SHLD2: variants seen among roughly 807,000 people sequenced by gnomAD.
SHLD2 encodes RINN1-REV7-interacting novel NHEJ regulator 2.
Under a neutral mutation model 73.2 loss-of-function variants are expected in SHLD2, and 30 were observed. The observed-to-expected ratio is 0.41, with a 90% CI of 0.31 to 0.56. The LOEUF is 0.56. SHLD2 is among the 20% of genes least tolerant of loss of function. The pLI is 0.28. For missense variants in SHLD2, 745 were observed against 1,055.9 expected (o/e 0.71, Z 4.08); for synonymous variants, 285 against 370.1 (o/e 0.77, Z 2.64).
chr10:87,185,539 A>G (rs1365274971), intron 8 of SHLD2, among the ~76,000 whole-genome samples: 1 of 152,202 alleles, frequency 6.6e-6, no homozygotes, highest in African/African-American at 2.4e-5. Flanking sequence ...CATCAGCAAT[A>G]TGAGGGTTGT....
intron 2 of SHLD2, among the ~76,000 whole-genome samples, chr10:87,145,171 G>C (rs987382287): frequency 1.3e-5 from 2 of 152,076 alleles, no homozygotes; most frequent in African/African-American, 4.8e-5. Flanking sequence ...TCGATCTCCT[G>C]ACCTCGTGAT....
intron 7 of SHLD2, among the ~76,000 whole-genome samples, chr10:87,176,930 G>T (rs1324427426): frequency 1.3e-5 from 2 of 151,940 alleles, no homozygotes; most frequent in Non-Finnish European, 2.9e-5. Flanking sequence ...AATATTTCTG[G>T]AAGGTAAACA....
chr10:87,166,542 G>A (rs1008117865), intron 4 of SHLD2, among the ~76,000 whole-genome samples: 1 of 152,192 alleles, frequency 6.6e-6, no homozygotes, highest in African/African-American at 2.4e-5. Context: ...GAAGATTTCA[G>A]TTCTTTTCAA....
intron 2 of SHLD2, among the ~76,000 whole-genome samples, chr10:87,143,068 T>A (rs1383638859): frequency 6.6e-6 from 1 of 151,650 alleles, no homozygotes; most frequent in African/African-American, 2.4e-5. Flanking sequence ...TAGCTGGGAC[T>A]ACAGGCACAT....
At chr10:87,178,179 T>C (rs1351692014) in intron 7 of SHLD2, among the ~76,000 whole-genome samples, 1 of 129,222 alleles carries the variant, frequency 7.7e-6, no homozygotes, top group African/African-American at 3.0e-5. Context: ...GAGGTTGCAG[T>C]GAGCCGAGAT....
At chr10:87,177,345 G>C (rs1848009492) in intron 7 of SHLD2, among the ~76,000 whole-genome samples, 1 of 150,158 alleles carries the variant, frequency 6.7e-6, no homozygotes, top group South Asian at 2.2e-4. Context: ...AAAATAGGAG[G>C]CCACCATGCT....
chr10:87,101,296 G>A (rs1478234780), intron 2 of SHLD2, among the ~76,000 whole-genome samples: 1 of 152,168 alleles, frequency 6.6e-6, no homozygotes, highest in Non-Finnish European at 1.5e-5. Context: ...AATGTTTTAG[G>A]AGAATTGGCC....
At chr10:87,150,589 C>A (rs1410850226) in intron 2 of SHLD2, among the ~76,000 whole-genome samples, 3 of 151,016 alleles carry the variant, frequency 2.0e-5, no homozygotes, top group Admixed American at 2.0e-4. Flanking sequence ...GGTGAAACCC[C>A]GTCTCTACTA....
At position 87,151,871 on chromosome 10, in the gene SHLD2, A is replaced by C; in HGVS notation, c.517A>C (p.Lys173Gln). 2 of 1,611,650 alleles carry C rather than the reference A, an allele frequency of 1.2e-6. No homozygotes were observed. The highest frequency in any genetic ancestry group is 4.5e-5 in the East Asian group (2 of 44,866). Reference sequence around the variant, plus strand: ...CACAAATTTGTTTCAGTTGGGCCATAAATGTGCAGCTGTGTTGGATTTGGT... The same window carrying C: ...CACAAATTTGTTTCAGTTGGGCCATCAATGTGCAGCTGTGTTGGATTTGGT... Reference protein sequence around the residue: ...FNTNLFQLGHKCAAVLDLVCS... With the variant: ...FNTNLFQLGHQCAAVLDLVCS... Residue 173 changes from lysine to glutamine, a missense_variant, in exon 3 of 10, where the codon AAA becomes CAA. By Grantham distance (53) the Lys-to-Gln change is moderately conservative. Around this residue, in one of 5 missense-constraint regions of SHLD2, gnomAD observed 280 missense variants for 353.9 expected, o/e 0.79. Transcript: ENST00000298786.
At position 87,151,697 on chromosome 10, in the gene SHLD2, A is replaced by G; in HGVS notation, c.343A>G (p.Ile115Val). 1 of 1,611,890 alleles carries G rather than the reference A, an allele frequency of 6.2e-7. No individual in the cohort carries two copies. The highest frequency in any genetic ancestry group is 8.5e-7 in the Non-Finnish European group (1 of 1,179,720). Reference protein sequence around the residue: ...QKIHSSRLSDITSSNMQICGF... With the variant: ...QKIHSSRLSDVTSSNMQICGF... ...GATTCACTCCTCTAGACTGAGTGAT[A>G]TAACTAGCTCTAATATGCAAATATG... The change falls in exon 3 of 10, where the codon ATA becomes GTA. Residue 115 changes from isoleucine (I) to valine (V), a missense_variant. Physicochemically the swap from Ile to Val is conservative, Grantham distance 29. This residue lies in a region of SHLD2 where 280 missense variants were observed against 353.9 expected (regional missense o/e 0.79). Transcript: ENST00000298786.
Position 87,151,808 on chromosome 10 carries a change from C to G in SHLD2, c.454C>G (p.Pro152Ala). The change falls in exon 3 of 10, where the codon CCT (proline) becomes GCT (alanine). Residue 152 changes from proline to alanine, a missense_variant. Physicochemically the swap from Pro to Ala is conservative, Grantham distance 27. Around this residue, in one of 5 missense-constraint regions of SHLD2, gnomAD observed 280 missense variants for 353.9 expected, o/e 0.79. Coordinates refer to ENST00000298786, the MANE Select transcript of SHLD2 (RefSeq NM_001330112.2). ...TGAAAATAAAATTAGAGATGAACAG[C>G]CTAAACATCAGCCAGATATATGTGG... Reference protein sequence around the residue: ...LSENKIRDEQPKHQPDICGKN... With the variant: ...LSENKIRDEQAKHQPDICGKN... 6.2e-7 allele frequency: 1 copy of G among 1,611,834 alleles called. No individual in the cohort carries two copies. The highest frequency in any genetic ancestry group is 8.5e-7 in the Non-Finnish European group (1 of 1,179,794).
intron 2 of SHLD2, among the ~76,000 whole-genome samples, chr10:87,140,404 AGT>A: frequency 6.9e-6 from 1 of 143,942 alleles, no homozygotes; most frequent in South Asian, 2.2e-4. Flanking sequence ...TGGGCAACAG[AGT>A]GAGAACCTAT....
intron 2 of SHLD2, among the ~76,000 whole-genome samples, chr10:87,100,065 C>G (rs1006945300): frequency 6.6e-6 from 1 of 151,864 alleles, no homozygotes; most frequent in Non-Finnish European, 1.5e-5. Flanking sequence ...TTATATTTTC[C>G]CATTTTTCAT....
At position 87,152,017 on chromosome 10, in the gene SHLD2, G is replaced by T; in HGVS notation, c.663G>T (p.Lys221Asn). ...TATTTTCCTCGAACGCAGTAGATAA[G>T]TCAAGGTCTGAAGCAGCAGTTAGGA... Reference protein sequence around the residue: ...LGLFSSNAVDKSRSEAAVRKV... With the variant: ...LGLFSSNAVDNSRSEAAVRKV... The change falls in exon 3 of 10, where the codon AAG becomes AAT. Residue 221 changes from lysine to asparagine, a missense_variant. Around this residue, in one of 5 missense-constraint regions of SHLD2, gnomAD observed 280 missense variants for 353.9 expected, o/e 0.79. Coordinates refer to ENST00000298786, the MANE Select transcript of SHLD2 (RefSeq NM_001330112.2). 6.2e-7 allele frequency: 1 copy of T among 1,611,934 alleles called. No homozygotes were observed. The highest frequency in any genetic ancestry group is 8.5e-7 in the Non-Finnish European group (1 of 1,179,806).
In SHLD2 at chr10:87,176,034, A is replaced by C. The variant is rs1847932226; in HGVS notation, c.2109A>C (p.Lys703Asn). 25 of 1,548,540 alleles carry C rather than the reference A, an allele frequency of 1.6e-5. No homozygotes were observed. The highest frequency in any genetic ancestry group is 2.2e-5 in the Non-Finnish European group (25 of 1,146,814). ...TTACATTTAAAGCAAAATTTCAAAA[A>C]AGTGCACCCTCCTTTGTGAAGATAT... ...RAITFKAKFQKSAPSFVKISD... is the reference protein window; with the variant it reads ...RAITFKAKFQNSAPSFVKISD... The change falls in exon 7 of 10, where the codon AAA (lysine) becomes AAC (asparagine). Residue 703 changes from lysine to asparagine, a missense_variant. Physicochemically the swap from Lys to Asn is moderately conservative, Grantham distance 94. Around this residue, in one of 5 missense-constraint regions of SHLD2, gnomAD observed 418 missense variants for 567.8 expected, o/e 0.74. Coordinates refer to ENST00000298786, the MANE Select transcript of SHLD2 (RefSeq NM_001330112.2).
chr10:87,183,530 A>G (rs1246604401), intron 8 of SHLD2, among the ~76,000 whole-genome samples: 1 of 152,170 alleles, frequency 6.6e-6, no homozygotes, highest in East Asian at 1.9e-4. Context: ...AACAAACAAA[A>G]TCATCCATTA....
At chr10:87,182,567 A>G (rs983717585) in intron 8 of SHLD2, among the ~76,000 whole-genome samples, 1 of 152,192 alleles carries the variant, frequency 6.6e-6, no homozygotes, top group African/African-American at 2.4e-5. Context: ...AAACTCAAAT[A>G]CCATTTTTAA....
intron 2 of SHLD2, among the ~76,000 whole-genome samples, chr10:87,115,849 G>T (rs866166902): frequency 5.3e-5 from 8 of 152,282 alleles, no homozygotes; most frequent in Non-Finnish European, 2.9e-5. Flanking sequence ...AGCTCTAAAG[G>T]TTGAGTAGAG....
chr10:87,101,707 C>T (rs550601530), intron 2 of SHLD2, among the ~76,000 whole-genome samples: 1 of 152,208 alleles, frequency 6.6e-6, no homozygotes, highest in South Asian at 2.1e-4. Flanking sequence ...CCAGGAGTTT[C>T]AGATCAGCCT....
Sources: allele counts gnomAD v4.1 joint callset (sites outside exome capture counted in the v4.1 genomes callset), GRCh38; gene constraint gnomAD v4.1.1; regional missense constraint gnomAD v4.1.1; transcripts MANE v1.5; gene names NCBI Gene and HGNC (gene_info 2026-07-23, HGNC 2026-07-21).